PRAM1: variants seen among roughly 807,000 people sequenced by gnomAD.
The protein encoded by PRAM1 is PML-RARA-regulated adapter molecule 1.
Under a neutral mutation model 55.3 loss-of-function variants are expected in PRAM1, and 41 were observed. The ratio of observed to expected loss-of-function variants is 0.74; its 90% CI spans 0.58 to 0.96. The LOEUF is 0.96. Ranked by LOEUF, PRAM1 falls within the 40% of genes least tolerant of loss-of-function variation. The pLI is 0.00. For missense variants in PRAM1, 898 were observed against 892.7 expected (o/e 1.01, Z -0.08); for synonymous variants, 401 against 387.1 (o/e 1.04, Z -0.42).
At chr19:8,501,222 G>C (rs561027025) in intron 1 of PRAM1, among the ~76,000 whole-genome samples, 52 of 151,202 alleles carry the variant, frequency 3.4e-4, no homozygotes, top group African/African-American at 1.2e-3. Flanking sequence ...CTCCTGAGTA[G>C]CTGGGATCAC....
At chr19:8,497,876 T>TTTC in intron 3 of PRAM1, 36 bp from the exon 4 acceptor site, 3 of 1,319,440 alleles carry the variant, frequency 2.3e-6, no homozygotes, top group Admixed American at 2.4e-5. Flanking sequence ...TCTTCTTTTT[T>TTTC]TTTTTTTTTT....
At chr19:8,502,464 G>GGCCC in intron 1 of PRAM1, 101 bp downstream of exon 1, 22 of 216,452 alleles carry the variant, frequency 1.0e-4, no homozygotes, top group East Asian at 7.7e-4. Context: ...GCCACCCCCC[G>GGCCC]CCCCCCCGCC....
chr19:8,498,319 C>CGGCACT, intron 2 of PRAM1, 30 bp from the exon 3 acceptor site: 4 of 1,604,782 alleles, frequency 2.5e-6, no homozygotes, highest in Non-Finnish European at 3.4e-6. Flanking sequence ...GCAGGGAAGC[C>CGGCACT]GGCACTGCCT....
At chr19:8,495,281 G>A (rs1269297026) in intron 4 of PRAM1, among the ~76,000 whole-genome samples, 1 of 151,934 alleles carries the variant, frequency 6.6e-6, no homozygotes, top group East Asian at 1.9e-4. Flanking sequence ...TGTATTTTTA[G>A]TAGAGATGGG....
In PRAM1 at chr19:8,491,151, G is replaced by A. The variant is rs73499680; in HGVS notation, c.1583C>T (p.Ala528Val). The A allele has an allele frequency of 9.3e-3, 14,963 of 1,610,276 alleles. 1,140 individuals carry two copies. The African/African-American group carries it at 0.17, about 18-fold the overall frequency. ...CCTGGCGGCTTGCTGAACTGAGGGC[G>A]CTTCATCTGGGGACAGTCAGGACTC... is the stretch of plus-strand genomic sequence containing the variant. The part of the protein sequence containing the change: ...SSPSPKGRDE[A>V]PSVQQAARRP... The change falls in exon 5 of 10, where the codon GCG becomes GTG. Residue 528 changes from alanine to valine, a missense_variant. Physicochemically the swap from Ala to Val is moderately conservative, Grantham distance 64. This residue lies in a region of PRAM1 where 787 missense variants were observed against 735.4 expected (regional missense o/e 1.07). Transcript: ENST00000423345.
At chr19:8,494,831 C>A (rs541256131) in intron 4 of PRAM1, among the ~76,000 whole-genome samples, 1 of 151,972 alleles carries the variant, frequency 6.6e-6, no homozygotes, top group South Asian at 2.1e-4. Context: ...CAGGTTTTCA[C>A]TATGTTGGCC....
Position 8,493,559 on chromosome 19 carries a change from C to T in PRAM1, c.1577-2402G>A, listed in dbSNP as rs947818731. Among the ~76,000 whole-genome samples, 20 of 151,060 alleles carry T rather than the reference C, an allele frequency of 1.3e-4. No homozygotes were observed. The highest frequency in any genetic ancestry group is 3.4e-3 in the Middle Eastern group (1 of 294). On this transcript the variant is annotated intron_variant, in intron 4 of 9. Transcript: ENST00000423345. The surrounding 1 kb of genome is among the most constrained non-coding windows in gnomAD (Gnocchi z 4.1). ...AGAGCAGGCCTCTGCCCGCCTTCCC[C>T]GCATGGCCAGCTCAGATCCCTGGGA...
intron 4 of PRAM1, chr19:8,491,416 C>G (rs776956811): frequency 1.8e-6 from 1 of 562,938 alleles, no homozygotes; most frequent in Non-Finnish European, 3.2e-6. Context: ...GTATTTTTAA[C>G]ACAGACAGGT....
In PRAM1 at chr19:8,490,283, AGCG is replaced by A; in HGVS notation, c.1975+52_1975+54del. The A allele has an allele frequency of 6.2e-7, 1 of 1,613,572 alleles. No homozygotes were observed. The highest frequency in any genetic ancestry group is 8.5e-7 in the Non-Finnish European group (1 of 1,179,704). ...TCTCCCCAGAAGCCCAATAGTGAGCAGCGCCCCCGGGGAATCGCCAGGGTCCCT... is the reference window on the plus strand; with the variant it reads ...TCTCCCCAGAAGCCCAATAGTGAGCACCCCCGGGGAATCGCCAGGGTCCCT... On this transcript the variant is annotated intron_variant, in intron 9 of 9. Transcript: ENST00000423345. The surrounding 1 kb of genome is among the most constrained non-coding windows in gnomAD (Gnocchi z 7.3).
Position 8,490,191 on chromosome 19 carries a change from A to T in PRAM1, c.2011T>A (p.Ter671LysextTer3), listed in dbSNP as rs1971589423. The change falls in exon 10 of 10, where the codon TAA (stop) becomes AAA (lysine). Residue 671 changes from the stop codon to lysine, a stop_lost. Transcript: ENST00000423345. This position sits in a 1 kb window ranked among gnomAD's most constrained non-coding sequence, Gnocchi z 7.3. ...TCCTGGCCCCACGCCTACCGGTCTT[A>T]CCGTCCCAGGGGGAGTGGTTGGTTT... ...LENQPLPLGR[*>K] 3.8e-6 allele frequency: 6 copies of T among 1,579,494 alleles called. No homozygotes were observed. The highest frequency in any genetic ancestry group is 5.2e-6 in the Non-Finnish European group (6 of 1,161,504).
rs1374596005 is a variant in PRAM1 at position 8,490,147 on chromosome 19, G to A, written c.*42C>T. The A allele has an allele frequency of 3.3e-6, 5 of 1,502,902 alleles. No homozygotes were observed. Among genetic ancestry groups the A allele is most frequent in the Non-Finnish European group, 4.5e-6 (5 of 1,120,802 alleles). 93.1% of individuals were successfully genotyped at this position (1,502,902 alleles called of 1,614,324 possible). ...GGATCCAGGGCTCCTGGGTGAGCGG[G>A]CGCTGGGCTGGCTGGCTGTCCTGGC... On this transcript the variant is annotated 3_prime_UTR_variant, in exon 10 of 10. Transcript: ENST00000423345. The surrounding 1 kb of genome is among the most constrained non-coding windows in gnomAD (Gnocchi z 7.3).
chr19:8,498,994 T>TA lies in PRAM1; in HGVS notation c.813_814insT (p.Lys272Ter). On this transcript the variant is annotated frameshift_variant, in exon 2 of 10. Transcript: ENST00000423345. LOFTEE classifies it high-confidence loss of function. ...TCACTCAGCGGAGGCTGGGAGGCCTTTTTGGGAAAGGCGCTGGAGTCGCGC... is the reference window on the plus strand; with the variant it reads ...TCACTCAGCGGAGGCTGGGAGGCCTTATTTGGGAAAGGCGCTGGAGTCGCGC... 1 of 1,613,682 alleles carries TA rather than the reference T, an allele frequency of 6.2e-7. No individual in the cohort carries two copies. Among genetic ancestry groups the TA allele is most frequent in the African/African-American group, 1.3e-5 (1 of 74,952 alleles).
At chr19:8,491,740 G>C (rs1475991992) in intron 4 of PRAM1, 2 of 159,030 alleles carry the variant, frequency 1.3e-5, no homozygotes, top group Non-Finnish European at 2.8e-5. Context: ...CCTCATGGCA[G>C]CCCTCTCAGC....
chr19:8,497,360 A>G (rs1200091384), intron 4 of PRAM1, among the ~76,000 whole-genome samples: 1 of 151,906 alleles, frequency 6.6e-6, no homozygotes, highest in Non-Finnish European at 1.5e-5. Flanking sequence ...GTTTTTTTGT[A>G]GAGATGAGGT....
chr19:8,494,349 C>T (rs1028503896), intron 4 of PRAM1, among the ~76,000 whole-genome samples: 20 of 152,338 alleles, frequency 1.3e-4, no homozygotes, highest in Admixed American at 1.2e-3. Flanking sequence ...GGCCCCCAGA[C>T]CCAAGCCACA....
At chr19:8,496,967 A>G (rs1971707500) in intron 4 of PRAM1, among the ~76,000 whole-genome samples, 1 of 152,136 alleles carries the variant, frequency 6.6e-6, no homozygotes. Flanking sequence ...CGGAGCTTGC[A>G]GTGAGCTGAG....
At position 8,490,115 on chromosome 19, in the gene PRAM1, C is replaced by A. The variant is rs941289300; in HGVS notation, c.*74G>T. The A allele has an allele frequency of 7.0e-7, 1 of 1,419,344 alleles. No individual in the cohort carries two copies. Among genetic ancestry groups the A allele is most frequent in the South Asian group, 1.4e-5 (1 of 69,830 alleles). 87.9% of individuals were successfully genotyped at this position (1,419,344 alleles called of 1,614,324 possible). A position where few individuals can be genotyped will look rare whatever the true frequency, so the allele number is the denominator to read the frequency against. ...AGCCCAGGCAGCTCTGTGACTTTCC[C>A]GCGCCGGGATCCAGGGCTCCTGGGT... On this transcript the variant is annotated 3_prime_UTR_variant, in exon 10 of 10. Coordinates refer to ENST00000423345, the MANE Select transcript of PRAM1 (RefSeq NM_032152.5). This position sits in a 1 kb window ranked among gnomAD's most constrained non-coding sequence, Gnocchi z 7.3.
intron 1 of PRAM1, among the ~76,000 whole-genome samples, chr19:8,501,838 T>C (rs1040803452): frequency 6.6e-6 from 1 of 152,128 alleles, no homozygotes; most frequent in African/African-American, 2.4e-5. Context: ...ACAGGCGCTG[T>C]CTCCTGCATA....
Position 8,500,257 on chromosome 19 carries a change from G to C in PRAM1, c.28-477C>G, listed in dbSNP as rs111436877. 7.5e-3 allele frequency among the ~76,000 whole-genome samples: 1,110 copies of C among 147,212 alleles called. 7 individuals carry two copies. The highest frequency in any genetic ancestry group is 0.012 in the Non-Finnish European group (814 of 66,294). On this transcript the variant is annotated intron_variant, in intron 1 of 9. Transcript: ENST00000423345. ...CCAGTAGCTGGGATTACAGGCTTGA[G>C]CCGCCGCGCCCAGGCCCCCAGTCCC... is the stretch of plus-strand genomic sequence containing the variant.
Sources: gnomAD v4.1 joint callset for allele counts (sites outside exome capture counted in the v4.1 genomes callset) on GRCh38, gnomAD v4.1.1 for gene constraint, gnomAD v4.1.1 regional missense constraint, Gnocchi (gnomAD v3.1) non-coding constraint, MANE v1.5 for transcripts, NCBI Gene and HGNC (gene_info 2026-07-23, HGNC 2026-07-21) for gene names.